CHST11: variants seen among roughly 807,000 people sequenced by gnomAD.
CHST11 encodes the protein carbohydrate sulfotransferase 11, also known as C4S-1.
Under a neutral mutation model 30.4 loss-of-function variants are expected in CHST11, and 9 were observed. The ratio of observed to expected loss-of-function variants is 0.30; its 90% CI spans 0.18 to 0.52. The LOEUF is 0.52. Among genes scored for constraint, CHST11 ranks in the 20% least tolerant of loss-of-function variants. CHST11 has a pLI of 0.97. For missense variants in CHST11, 348 were observed against 460.6 expected, an observed-to-expected ratio of 0.76 and a Z score of 2.24; for synonymous variants, 152 against 187.8, an observed-to-expected ratio of 0.81 and a Z score of 1.56.
At chr12:104,643,409 G>A (rs1441969438) in intron 2 of CHST11, among the ~76,000 whole-genome samples, 2 of 152,184 alleles carry the variant, frequency 1.3e-5, no homozygotes, top group Non-Finnish European at 2.9e-5. Context: ...GCAGAAGTTT[G>A]GAGGGTTAGA....
chr12:104,725,332 CGA>C (rs2040208473), intron 2 of CHST11, among the ~76,000 whole-genome samples: 1 of 151,992 alleles, frequency 6.6e-6, no homozygotes, highest in Non-Finnish European at 1.5e-5. Context: ...GCCGTGGTGC[CGA>C]AACAAGAAAA....
At chr12:104,604,614 T>A (rs952954024) in intron 2 of CHST11, among the ~76,000 whole-genome samples, 1 of 152,156 alleles carries the variant, frequency 6.6e-6, no homozygotes, top group East Asian at 1.9e-4. Context: ...TTGCACCTGA[T>A]TGGGCTCAGT....
chr12:104,508,527 A>G (rs1320313601), intron 1 of CHST11, among the ~76,000 whole-genome samples: 1 of 152,224 alleles, frequency 6.6e-6, no homozygotes, highest in Admixed American at 6.5e-5. Context: ...CATATCCAAT[A>G]ACTGGGAAAA....
chr12:104,716,114 G>A (rs567285520), intron 2 of CHST11, among the ~76,000 whole-genome samples: 104 of 152,242 alleles, frequency 6.8e-4, no homozygotes, highest in African/African-American at 2.4e-3. Flanking sequence ...GTCTGCACAC[G>A]GGGTGCCAAG....
intron 2 of CHST11, among the ~76,000 whole-genome samples, chr12:104,691,811 A>G (rs2039899271): frequency 6.6e-6 from 1 of 152,134 alleles, no homozygotes; most frequent in South Asian, 2.1e-4. Context: ...TAACACAGGT[A>G]TTGTCACCTA....
chr12:104,570,721 C>T (rs1053061173), intron 1 of CHST11, among the ~76,000 whole-genome samples: 4 of 144,182 alleles, frequency 2.8e-5, no homozygotes, highest in Non-Finnish European at 3.0e-5. Context: ...GACTGAGTCT[C>T]GCTCTGTCAC....
At chr12:104,648,337 T>G (rs1328077302) in intron 2 of CHST11, among the ~76,000 whole-genome samples, 1 of 152,216 alleles carries the variant, frequency 6.6e-6, no homozygotes, top group Non-Finnish European at 1.5e-5. Context: ...AAGTTACAAC[T>G]TAGGAGCAGA....
In CHST11 at chr12:104,607,008, A is replaced by G. The variant is rs139785832; in HGVS notation, c.204+5017A>G. Among the ~76,000 whole-genome samples the G allele has an allele frequency of 4.3e-3, 656 of 152,214 alleles. 5 individuals carry two copies. The highest frequency in any genetic ancestry group is 0.015 in the African/African-American group (632 of 41,524). ...TGGGAGGCGGAGGTTGCAGTGAGCC[A>G]AGATCATGCCCCTACACTCCAGCCT... On this transcript the variant is annotated intron_variant, in intron 2 of 2. Transcript: ENST00000303694.
intron 2 of CHST11, among the ~76,000 whole-genome samples, chr12:104,669,102 G>T (rs1461326499): frequency 6.6e-6 from 1 of 152,202 alleles, no homozygotes; most frequent in Non-Finnish European, 1.5e-5. Context: ...TTAGACGTAC[G>T]CACCCCTCTG....
At chr12:104,485,261 A>G (rs2037665854) in intron 1 of CHST11, among the ~76,000 whole-genome samples, 1 of 152,170 alleles carries the variant, frequency 6.6e-6, no homozygotes, top group South Asian at 2.1e-4. Flanking sequence ...TTGCTTTGAG[A>G]AACACATCTC....
chr12:104,583,721 C>CTTTT (rs1297368145), intron 1 of CHST11, among the ~76,000 whole-genome samples: 1 of 10,084 alleles, frequency 9.9e-5, no homozygotes, highest in African/African-American at 1.1e-4. Context: ...AGATCTCTCT[C>CTTTT]TTTTTTTTGA....
intron 1 of CHST11, among the ~76,000 whole-genome samples, chr12:104,591,329 G>A (rs1382730631): frequency 6.6e-6 from 1 of 152,120 alleles, no homozygotes; most frequent in East Asian, 1.9e-4. Flanking sequence ...AGAGAATAGA[G>A]TAGGGAGGCC....
At chr12:104,528,404 A>C (rs2038149073) in intron 1 of CHST11, among the ~76,000 whole-genome samples, 1 of 152,220 alleles carries the variant, frequency 6.6e-6, no homozygotes. Context: ...TCAGGTGCTC[A>C]ATCACATAGT....
At chr12:104,660,567 C>A (rs1465019583) in intron 2 of CHST11, among the ~76,000 whole-genome samples, 1 of 152,238 alleles carries the variant, frequency 6.6e-6, no homozygotes, top group African/African-American at 2.4e-5. Flanking sequence ...GTGCAAACAG[C>A]AGGAGAGAAA....
intron 2 of CHST11, among the ~76,000 whole-genome samples, chr12:104,613,213 A>C (rs1315277044): frequency 6.6e-6 from 1 of 152,046 alleles, no homozygotes; most frequent in East Asian, 1.9e-4. Flanking sequence ...AGAAAAAAAA[A>C]AGATACAGAA....
At chr12:104,668,912 C>T (rs1285896505) in intron 2 of CHST11, among the ~76,000 whole-genome samples, 1 of 152,156 alleles carries the variant, frequency 6.6e-6, no homozygotes, top group African/African-American at 2.4e-5. Context: ...GCCACATTAA[C>T]CCTGACATTT....
rs113929070 is a variant in CHST11 at position 104,583,807 on chromosome 12, G to A, written c.119-18099G>A. Among the ~76,000 whole-genome samples, 455 of 151,946 alleles carry A rather than the reference G, an allele frequency of 3.0e-3. 1 individual carries two copies. Among genetic ancestry groups the A allele is most frequent in the African/African-American group, 9.6e-3 (396 of 41,292 alleles). The stretch of plus-strand genomic sequence containing the variant: ...AGCTCACTGCAACCTCTGCCTCCTG[G>A]GTTCAAGCAAGTCTCCTGCCTCAGC... On this transcript the variant is annotated intron_variant, in intron 1 of 2. Coordinates refer to ENST00000303694, the MANE Select transcript of CHST11 (RefSeq NM_018413.6).
At chr12:104,508,260 A>G (rs952635811) in intron 1 of CHST11, among the ~76,000 whole-genome samples, 2 of 152,146 alleles carry the variant, frequency 1.3e-5, no homozygotes, top group Non-Finnish European at 2.9e-5. Flanking sequence ...TTGGGTTTAA[A>G]GCTGGTTCAT....
At chr12:104,725,068 C>T (rs1266097826) in intron 2 of CHST11, among the ~76,000 whole-genome samples, 1 of 152,110 alleles carries the variant, frequency 6.6e-6, no homozygotes, top group Non-Finnish European at 1.5e-5. Flanking sequence ...GGTATGGACT[C>T]TTCTAAGCCC....
Sources: gnomAD v4.1 joint callset for allele counts (sites outside exome capture counted in the v4.1 genomes callset) on GRCh38, gnomAD v4.1.1 for gene constraint, MANE v1.5 for transcripts, NCBI Gene and HGNC (gene_info 2026-07-23, HGNC 2026-07-21) for gene names.